Variants in SPAG16 observed in about 807,000 individuals in gnomAD.
SPAG16 encodes the protein sperm associated antigen 16, also known as sperm-associated antigen 16 protein.
In SPAG16, 86 loss-of-function variants were observed where a neutral mutation model predicts 80.4. That is an observed-to-expected ratio of 1.07 (90% CI 0.90 to 1.28). SPAG16 has a LOEUF of 1.28. SPAG16 is among the 50% of genes most tolerant of loss of function. The probability of loss-of-function intolerance (pLI) is 0.00; values close to 1 mark genes in which losing one functional copy is unlikely to be tolerated. For synonymous variants in SPAG16, 294 were observed against 265.9 expected (o/e 1.11, Z -1.03); for missense variants, 870 against 765.3 (o/e 1.14, Z -1.61).
intron 10 of SPAG16, among the ~76,000 whole-genome samples, chr2:213,728,668 G>C (rs1323731038): frequency 6.6e-6 from 1 of 151,974 alleles, no homozygotes; most frequent in Non-Finnish European, 1.5e-5. Flanking sequence ...CTGAGGTCAG[G>C]AGATCGAGAC....
intron 10 of SPAG16, among the ~76,000 whole-genome samples, chr2:213,675,554 A>G (rs1265633092): frequency 2.0e-5 from 3 of 152,062 alleles, no homozygotes; most frequent in Non-Finnish European, 4.4e-5. Context: ...TCTTGAATTG[A>G]TTTTTGTATA....
chr2:213,883,758 A>G (rs979143496), intron 11 of SPAG16, among the ~76,000 whole-genome samples: 19 of 152,210 alleles, frequency 1.2e-4, no homozygotes, highest in Non-Finnish European at 2.5e-4. Context: ...CTTTATCATT[A>G]TGTAATGCCT....
At chr2:214,285,765 T>TAC (rs1693310194) in intron 15 of SPAG16, among the ~76,000 whole-genome samples, 2 of 152,114 alleles carry the variant, frequency 1.3e-5, no homozygotes, top group Admixed American at 1.3e-4. Context: ...ATCACACCAC[T>TAC]ACACTCCAGC....
intron 15 of SPAG16, among the ~76,000 whole-genome samples, chr2:214,368,532 T>C (rs1183782096): frequency 6.6e-6 from 1 of 152,136 alleles, no homozygotes; most frequent in African/African-American, 2.4e-5. Flanking sequence ...CAGGTTAGCA[T>C]AAAGTAGTTC....
chr2:214,179,871 T>C (rs2125665661), intron 15 of SPAG16, among the ~76,000 whole-genome samples: 1 of 151,668 alleles, frequency 6.6e-6, no homozygotes, highest in East Asian at 1.9e-4. Flanking sequence ...TTTATGTGCT[T>C]AGAATTTAAC....
chr2:213,504,011 G>A (rs556517495), intron 10 of SPAG16, among the ~76,000 whole-genome samples: 3 of 152,308 alleles, frequency 2.0e-5, no homozygotes, highest in African/African-American at 7.2e-5. Context: ...TGGGAGTGGT[G>A]CAGGGTGCAG....
chr2:214,013,909 AT>A, intron 12 of SPAG16, 41 bp from the exon 13 acceptor site: 1 of 1,600,748 alleles, frequency 6.2e-7, no homozygotes, highest in African/African-American at 1.3e-5. Context: ...TATAGACAGC[AT>A]AGATACTAAC....
At chr2:214,188,980 T>A (rs1288872707) in intron 15 of SPAG16, among the ~76,000 whole-genome samples, 1 of 152,040 alleles carries the variant, frequency 6.6e-6, no homozygotes, top group Non-Finnish European at 1.5e-5. Flanking sequence ...CATAGCAACA[T>A]CTCTTGTCCA....
intron 10 of SPAG16, among the ~76,000 whole-genome samples, chr2:213,689,401 T>G (rs1460609544): frequency 6.6e-6 from 1 of 152,176 alleles, no homozygotes; most frequent in Non-Finnish European, 1.5e-5. Flanking sequence ...GAGTTTTACT[T>G]TTTGGGTACT....
At chr2:213,332,903 C>T (rs564617094) in intron 5 of SPAG16, among the ~76,000 whole-genome samples, 1 of 151,910 alleles carries the variant, frequency 6.6e-6, no homozygotes, top group Non-Finnish European at 1.5e-5. Context: ...TTTGTCATGC[C>T]ACCGTGTCAT....
At chr2:213,869,378 A>T (rs2075859534) in intron 11 of SPAG16, among the ~76,000 whole-genome samples, 1 of 149,534 alleles carries the variant, frequency 6.7e-6, no homozygotes, top group African/African-American at 2.4e-5. Context: ...CAAATTTCAA[A>T]TTATTTTTAA....
intron 10 of SPAG16, among the ~76,000 whole-genome samples, chr2:213,516,295 A>G (rs552211705): frequency 6.6e-6 from 1 of 152,290 alleles, no homozygotes; most frequent in South Asian, 2.1e-4. Flanking sequence ...AAAATAATCA[A>G]TTCACCACTG....
At chr2:214,199,455 G>T (rs1305522919) in intron 15 of SPAG16, among the ~76,000 whole-genome samples, 1 of 152,056 alleles carries the variant, frequency 6.6e-6, no homozygotes, top group Non-Finnish European at 1.5e-5. Flanking sequence ...TGTTCCCTGG[G>T]TCTACATGCC....
At chr2:214,267,973 T>A (rs1298160695) in intron 15 of SPAG16, among the ~76,000 whole-genome samples, 1 of 151,686 alleles carries the variant, frequency 6.6e-6, no homozygotes, top group Non-Finnish European at 1.5e-5. Context: ...AACTACTTAA[T>A]AAGTAGAAAA....
intron 10 of SPAG16, among the ~76,000 whole-genome samples, chr2:213,668,586 A>G (rs943771352): frequency 2.0e-5 from 3 of 152,092 alleles, no homozygotes; most frequent in African/African-American, 7.2e-5. Context: ...ATCAGGTTGC[A>G]TTATTTATGC....
intron 10 of SPAG16, among the ~76,000 whole-genome samples, chr2:213,548,183 A>AC (rs1193865199): frequency 6.6e-6 from 1 of 152,136 alleles, no homozygotes; most frequent in East Asian, 1.9e-4. Context: ...ATTTTATATT[A>AC]CCCCCACCAA....
chr2:213,606,620 A>G lies in SPAG16; in HGVS notation c.1070+116530A>G, dbSNP rs183464263. The stretch of plus-strand genomic sequence containing the variant: ...GGTGCAGTTACCAAATATCCACCTG[A>G]TCCTAGTGATTAATTTGCAGCTATG... On this transcript the variant is annotated intron_variant, in intron 10 of 15. Coordinates refer to ENST00000331683, the MANE Select transcript of SPAG16 (RefSeq NM_024532.5). Among the ~76,000 whole-genome samples the G allele has an allele frequency of 1.8e-3, 279 of 152,284 alleles. 4 individuals carry two copies. The highest frequency in any genetic ancestry group is 3.4e-3 in the Middle Eastern group (1 of 294).
At chr2:213,400,078 A>G (rs1279781197) in intron 9 of SPAG16, among the ~76,000 whole-genome samples, 1 of 151,858 alleles carries the variant, frequency 6.6e-6, no homozygotes, top group Non-Finnish European at 1.5e-5. Context: ...AAATATATAA[A>G]TTTTGTTGGT....
rs778134801 is a variant in SPAG16 at position 214,250,905 on chromosome 2, G to A, written c.1720+101639G>A. On this transcript the variant is annotated intron_variant, in intron 15 of 15. Coordinates refer to ENST00000331683, the MANE Select transcript of SPAG16 (RefSeq NM_024532.5). ...CAGATTTTGATTATTTTGATGGTTT[G>A]TTCCACTTTATAATGTCAGAAAAAT... Among the ~76,000 whole-genome samples the A allele has an allele frequency of 6.6e-5, 10 of 150,390 alleles. 1 individual carries two copies. The highest frequency in any genetic ancestry group is 1.0e-4 in the Non-Finnish European group (7 of 67,596).
Sources: gnomAD v4.1 joint callset for allele counts (sites outside exome capture counted in the v4.1 genomes callset) on GRCh38, gnomAD v4.1.1 for gene constraint, MANE v1.5 for transcripts, NCBI Gene and HGNC (gene_info 2026-07-23, HGNC 2026-07-21) for gene names.